GPC5: variants seen among roughly 807,000 people sequenced by gnomAD.
The protein encoded by GPC5 is glypican-5.
In GPC5, 47 loss-of-function variants were observed where a neutral mutation model predicts 53.9. The observed-to-expected ratio is 0.87, with a 90% CI of 0.69 to 1.11. The LOEUF (loss-of-function observed/expected upper bound fraction) is 1.11, where lower values mean the gene tolerates loss of function less well. GPC5 is among the 50% of genes most tolerant of loss of function. The pLI, the probability that GPC5 is intolerant of heterozygous loss-of-function variation, is 0.00. For synonymous variants in GPC5, 286 were observed against 263.3 expected, an observed-to-expected ratio of 1.09 and a Z score of -0.84; for missense variants, 748 against 713.1, an observed-to-expected ratio of 1.05 and a Z score of -0.56.
chr13:92,492,236 T>G (rs1375739715), intron 7 of GPC5, among the ~76,000 whole-genome samples: 1 of 152,158 alleles, frequency 6.6e-6, no homozygotes, highest in African/African-American at 2.4e-5. Context: ...ATTTAAAAAA[T>G]TAAGACCATT....
intron 7 of GPC5, among the ~76,000 whole-genome samples, chr13:92,219,146 T>C (rs1316676192): frequency 6.6e-6 from 1 of 152,132 alleles, no homozygotes; most frequent in Non-Finnish European, 1.5e-5. Flanking sequence ...TCAACCATCC[T>C]GGATGGAGAG....
chr13:91,756,966 ATC>A, intron 5 of GPC5, among the ~76,000 whole-genome samples: 1 of 152,160 alleles, frequency 6.6e-6, no homozygotes. Flanking sequence ...ATATATATAT[ATC>A]TGTTTGAGGC....
chr13:91,580,973 A>G (rs537105202), intron 2 of GPC5, among the ~76,000 whole-genome samples: 3 of 152,224 alleles, frequency 2.0e-5, no homozygotes, highest in African/African-American at 2.4e-5. Context: ...TGAAGAAAAC[A>G]TGTCCTTCTT....
intron 7 of GPC5, among the ~76,000 whole-genome samples, chr13:92,615,990 C>G (rs941739950): frequency 6.6e-6 from 1 of 152,026 alleles, no homozygotes; most frequent in African/African-American, 2.4e-5. Flanking sequence ...GGAGGCAGAG[C>G]TGGCAGTGAG....
chr13:91,977,230 A>T (rs2040311740), intron 6 of GPC5, among the ~76,000 whole-genome samples: 1 of 152,146 alleles, frequency 6.6e-6, no homozygotes. Flanking sequence ...CAGATGTTTG[A>T]TTTATTCAGA....
At chr13:92,211,495 T>C (rs1482648652) in intron 7 of GPC5, among the ~76,000 whole-genome samples, 1 of 152,178 alleles carries the variant, frequency 6.6e-6, no homozygotes, top group Non-Finnish European at 1.5e-5. Context: ...CAAGAGTTGG[T>C]TCATTCAAGA....
chr13:91,460,916 T>G (rs1881890842), intron 2 of GPC5, among the ~76,000 whole-genome samples: 1 of 152,170 alleles, frequency 6.6e-6, no homozygotes, highest in South Asian at 2.1e-4. Context: ...TTTACAACCA[T>G]TTCTCAATGT....
At chr13:91,862,157 A>ATGTTATTTCC (rs1453322470) in intron 5 of GPC5, among the ~76,000 whole-genome samples, 1 of 152,102 alleles carries the variant, frequency 6.6e-6, no homozygotes, top group East Asian at 1.9e-4. Context: ...TTTTGATTTG[A>ATGTTATTTCC]TGTTATTTCC....
chr13:91,614,396 C>T (rs1333320531), intron 2 of GPC5, among the ~76,000 whole-genome samples: 1 of 152,118 alleles, frequency 6.6e-6, no homozygotes, highest in Non-Finnish European at 1.5e-5. Context: ...GGCATGATCT[C>T]GGTTCACCAC....
chr13:92,480,230 G>A (rs1427908548), intron 7 of GPC5, among the ~76,000 whole-genome samples: 3 of 152,170 alleles, frequency 2.0e-5, no homozygotes, highest in African/African-American at 4.8e-5. Flanking sequence ...ATCAGATGGT[G>A]CTAAGATTTG....
chr13:92,444,199 G>A (rs1877697690), intron 7 of GPC5, among the ~76,000 whole-genome samples: 1 of 152,152 alleles, frequency 6.6e-6, no homozygotes, highest in Non-Finnish European at 1.5e-5. Flanking sequence ...TAGAAGGAAT[G>A]CCTACACAGC....
chr13:92,175,677 C>T (rs957771872), intron 7 of GPC5, among the ~76,000 whole-genome samples: 2 of 151,902 alleles, frequency 1.3e-5, no homozygotes, highest in African/African-American at 4.8e-5. Flanking sequence ...TCTCTTTAAC[C>T]TATTCTGTTC....
intron 6 of GPC5, among the ~76,000 whole-genome samples, chr13:92,004,317 C>G (rs12430626): frequency 6.7e-6 from 1 of 149,940 alleles, no homozygotes. Flanking sequence ...TGGTGACGTG[C>G]GCCTGTAGTC....
chr13:91,517,657 C>T (rs1252891332), intron 2 of GPC5, among the ~76,000 whole-genome samples: 1 of 152,154 alleles, frequency 6.6e-6, no homozygotes, highest in Non-Finnish European at 1.5e-5. Context: ...CAATGCCCCA[C>T]TCTACTGGTA....
chr13:91,501,146 G>C (rs892726617), intron 2 of GPC5, among the ~76,000 whole-genome samples: 9 of 151,880 alleles, frequency 5.9e-5, no homozygotes, highest in African/African-American at 1.7e-4. Flanking sequence ...CTTCACATCA[G>C]TGCACCATCT....
intron 7 of GPC5, among the ~76,000 whole-genome samples, chr13:92,855,400 A>C (rs1308390780): frequency 2.0e-5 from 3 of 152,076 alleles, no homozygotes; most frequent in Non-Finnish European, 4.4e-5. Context: ...TTCCTAATAC[A>C]AACATGTTAG....
intron 7 of GPC5, among the ~76,000 whole-genome samples, chr13:92,245,090 C>G (rs879387052): frequency 3.3e-5 from 5 of 151,580 alleles, no homozygotes; most frequent in Non-Finnish European, 5.9e-5. Context: ...TGTTCTCAGG[C>G]ACTCTCCCAG....
intron 7 of GPC5, among the ~76,000 whole-genome samples, chr13:92,543,445 A>G (rs1349022811): frequency 1.3e-5 from 2 of 151,928 alleles, no homozygotes; most frequent in African/African-American, 4.8e-5. Context: ...CTGGTGACTT[A>G]AGCATGTAGG....
intron 2 of GPC5, among the ~76,000 whole-genome samples, chr13:91,498,858 C>A (rs191259970): frequency 2.6e-5 from 4 of 152,114 alleles, no homozygotes; most frequent in Admixed American, 2.0e-4. Flanking sequence ...ATGATCTTGG[C>A]TACTCAGGAG....
Sources: gnomAD v4.1 joint callset for allele counts (sites outside exome capture counted in the v4.1 genomes callset) on GRCh38, gnomAD v4.1.1 for gene constraint, MANE v1.5 for transcripts, NCBI Gene and HGNC (gene_info 2026-07-23, HGNC 2026-07-21) for gene names.